F13A1: variants seen among roughly 807,000 people sequenced by gnomAD.
F13A1 encodes coagulation factor XIII A chain, also known as FSF, A subunit.
A neutral mutation model predicts 80.1 loss-of-function variants in F13A1; 47 were observed. That is an observed-to-expected ratio of 0.59 (90% CI 0.46 to 0.75). The LOEUF (loss-of-function observed/expected upper bound fraction) is 0.75. F13A1 is among the 30% of genes least tolerant of loss of function. The probability of loss-of-function intolerance (pLI) is 0.00; values close to 1 mark genes in which losing one functional copy is unlikely to be tolerated. For synonymous variants in F13A1, 349 were observed against 344.9 expected (o/e 1.01, Z -0.13); for missense variants, 817 against 930.4 (o/e 0.88, Z 1.59).
intron 10 of F13A1, among the ~76,000 whole-genome samples, chr6:6,184,649 A>G (rs1173593317): frequency 6.6e-6 from 1 of 152,242 alleles, no homozygotes; most frequent in African/African-American, 2.4e-5. Context: ...AAATCGTAGC[A>G]ACAATAATGA....
chr6:6,270,617 C>T (rs960050163), intron 3 of F13A1, among the ~76,000 whole-genome samples: 4 of 152,112 alleles, frequency 2.6e-5, no homozygotes, highest in East Asian at 1.9e-4. Flanking sequence ...TTGGTGAGGG[C>T]GTCATGTGTG....
At chr6:6,269,580 C>T (rs1198344183) in intron 3 of F13A1, among the ~76,000 whole-genome samples, 1 of 152,104 alleles carries the variant, frequency 6.6e-6, no homozygotes, top group Admixed American at 6.6e-5. Context: ...TGAAACCTCC[C>T]ATTCAATCAT....
intron 3 of F13A1, among the ~76,000 whole-genome samples, chr6:6,278,286 G>GA (rs926910443): frequency 7.9e-5 from 12 of 152,306 alleles, no homozygotes; most frequent in African/African-American, 2.9e-4. Flanking sequence ...CAAGTGCTAT[G>GA]AAAAAATGAC....
At position 6,177,562 on chromosome 6, in the gene F13A1, C is replaced by T. The variant is rs576564774; in HGVS notation, c.1460-2695G>A. 3.3e-5 allele frequency among the ~76,000 whole-genome samples: 5 copies of T among 152,348 alleles called. No individual in the cohort carries two copies. The South Asian group carries it at 1.0e-3, about 32-fold the overall frequency. ...TGCTTTCAGCCAGAGACAAAACTTT[C>T]CTCTTCATAATAGTCCAGTTTAGGA... On this transcript the variant is annotated intron_variant, in intron 11 of 14. Transcript: ENST00000264870.
At chr6:6,260,058 C>G (rs551499684) in intron 4 of F13A1, among the ~76,000 whole-genome samples, 2 of 152,174 alleles carry the variant, frequency 1.3e-5, no homozygotes, top group Non-Finnish European at 2.9e-5. Context: ...CCGTCTCACT[C>G]CTGCTGCCTT....
At chr6:6,315,410 C>T (rs918743122) in intron 2 of F13A1, among the ~76,000 whole-genome samples, 4 of 148,232 alleles carry the variant, frequency 2.7e-5, no homozygotes, top group Non-Finnish European at 4.4e-5. Context: ...GGTCCCACCT[C>T]TGGGATTTCC....
chr6:6,251,270 C>T (rs540182507), intron 4 of F13A1, among the ~76,000 whole-genome samples: 27 of 152,266 alleles, frequency 1.8e-4, no homozygotes, highest in Non-Finnish European at 2.5e-4. Context: ...TGCTGATGTA[C>T]GTCTCTAACA....
In F13A1 at chr6:6,318,700, A is replaced by AG. The variant is rs762501022; in HGVS notation, c.-18-19_-18-18insC. ...ACAAGGTCCTTCAGAAAAAAAAAAA[A>AG]AAGAAGACAACAGAAAAGGCATGTA... On this transcript the variant is annotated intron_variant, in intron 1 of 14. Coordinates refer to ENST00000264870, the MANE Select transcript of F13A1 (RefSeq NM_000129.4). 139 of 1,603,640 alleles carry AG rather than the reference A, an allele frequency of 8.7e-5. No homozygotes were observed. In the East Asian group the frequency reaches 2.3e-3, roughly 27 times the overall value.
intron 13 of F13A1, among the ~76,000 whole-genome samples, chr6:6,159,297 T>C (rs1760533023): frequency 6.6e-6 from 1 of 152,096 alleles, no homozygotes; most frequent in Non-Finnish European, 1.5e-5. Context: ...CACCCTTCCT[T>C]GGTCCATCCC....
Position 6,167,531 on chromosome 6 carries a change from C to T in F13A1, c.1835G>A (p.Arg612His), listed in dbSNP as rs369187276. 9.2e-5 allele frequency: 148 copies of T among 1,613,994 alleles called. No individual in the cohort carries two copies. The highest frequency in any genetic ancestry group is 1.5e-4 in the Admixed American group (9 of 60,004). Reference sequence around the variant, plus strand: ...CAGAACATCCCTGGTCTCATTGATGCGAGCTGTGACAAAGAAGTGCAGGGA... The same window carrying T: ...CAGAACATCCCTGGTCTCATTGATGTGAGCTGTGACAAAGAAGTGCAGGGA... ...QASLHFFVTA[R>H]INETRDVLAK... Residue 612 changes from arginine (R) to histidine (H), a missense_variant, in exon 13 of 15, where the codon CGC (arginine) becomes CAC (histidine). By Grantham distance (29) the Arg-to-His change is conservative. Coordinates refer to ENST00000264870, the MANE Select transcript of F13A1 (RefSeq NM_000129.4).
rs112038870 is a variant in F13A1, at chr6:6,315,309, A to C, written c.130+3226T>G. 9.2e-3 allele frequency among the ~76,000 whole-genome samples: 1,403 copies of C among 152,348 alleles called. 7 individuals carry two copies. Among genetic ancestry groups the C allele is most frequent in the Non-Finnish European group, 0.014 (964 of 68,032 alleles). ...AATCCAAATCTGAGGAGATCGTCTC[A>C]GTACCTTTCCTGGCTACAACTGAAT... On this transcript the variant is annotated intron_variant, in intron 2 of 14. Transcript: ENST00000264870.
chr6:6,207,410 C>G (rs1366057417), intron 8 of F13A1, among the ~76,000 whole-genome samples: 1 of 152,112 alleles, frequency 6.6e-6, no homozygotes, highest in African/African-American at 2.4e-5. Context: ...AAAATAGAAG[C>G]AAATGTTTAA....
intron 10 of F13A1, among the ~76,000 whole-genome samples, chr6:6,183,246 G>T (rs74567382): frequency 1.3e-5 from 2 of 152,270 alleles, no homozygotes; most frequent in Admixed American, 6.5e-5. Context: ...TCTTTAAATA[G>T]GGTGATAATA....
intron 11 of F13A1, among the ~76,000 whole-genome samples, chr6:6,180,759 C>T (rs1760966925): frequency 1.3e-5 from 2 of 152,156 alleles, no homozygotes; most frequent in African/African-American, 4.8e-5. Context: ...AACAAAAATT[C>T]TGACTTTCTG....
chr6:6,171,509 A>G (rs1760773525), intron 12 of F13A1, among the ~76,000 whole-genome samples: 1 of 152,176 alleles, frequency 6.6e-6, no homozygotes, highest in Non-Finnish European at 1.5e-5. Flanking sequence ...ACATGCCCAG[A>G]TCGGACTGGT....
intron 2 of F13A1, among the ~76,000 whole-genome samples, chr6:6,310,285 G>C (rs1758571567): frequency 6.6e-6 from 1 of 152,194 alleles, no homozygotes; most frequent in South Asian, 2.1e-4. Flanking sequence ...ATATCTCAGA[G>C]GGGCAATGGT....
intron 3 of F13A1, among the ~76,000 whole-genome samples, chr6:6,301,861 G>A (rs887307575): frequency 1.3e-5 from 2 of 152,114 alleles, no homozygotes; most frequent in East Asian, 1.9e-4. Context: ...GGCTCAAGGC[G>A]AGACAACTCT....
At chr6:6,228,198 T>C (rs1368482064) in intron 6 of F13A1, among the ~76,000 whole-genome samples, 2 of 152,134 alleles carry the variant, frequency 1.3e-5, no homozygotes. Context: ...TTCAACTTCA[T>C]TAAGGCTACA....
At chr6:6,283,768 G>T (rs1363734855) in intron 3 of F13A1, among the ~76,000 whole-genome samples, 2 of 151,928 alleles carry the variant, frequency 1.3e-5, no homozygotes, top group African/African-American at 4.8e-5. Flanking sequence ...ATTCTTCAAA[G>T]TTACATGCTA....
Sources: gnomAD v4.1 joint callset for allele counts (sites outside exome capture counted in the v4.1 genomes callset) on GRCh38, gnomAD v4.1.1 for gene constraint, MANE v1.5 for transcripts, NCBI Gene and HGNC (gene_info 2026-07-23, HGNC 2026-07-21) for gene names.